Variants in SUSD4 observed in about 807,000 individuals in gnomAD.
The protein encoded by SUSD4 is sushi domain-containing protein 4.
In SUSD4, 41 loss-of-function variants were observed where a neutral mutation model predicts 50.5. The observed-to-expected ratio is 0.81, with a 90% confidence interval of 0.63 to 1.05. SUSD4 has a LOEUF of 1.05. Among genes scored for constraint, SUSD4 ranks in the 50% least tolerant of loss-of-function variants. SUSD4 has a pLI of 0.00. For synonymous variants in SUSD4, 257 were observed against 257.3 expected (o/e 1.00, Z 0.01); for missense variants, 580 against 634.7 (o/e 0.91, Z 0.93).
intron 5 of SUSD4, among the ~76,000 whole-genome samples, chr1:223,245,116 C>G (rs1238922979): frequency 6.6e-6 from 1 of 152,030 alleles, no homozygotes; most frequent in Non-Finnish European, 1.5e-5. Context: ...GTCACAACAT[C>G]CATGTGTTTT....
At chr1:223,267,796 T>A (rs1336950679) in intron 4 of SUSD4, among the ~76,000 whole-genome samples, 1 of 151,880 alleles carries the variant, frequency 6.6e-6, no homozygotes, top group African/African-American at 2.4e-5. Flanking sequence ...TCCTTCTCCC[T>A]CAAATTATGA....
intron 5 of SUSD4, among the ~76,000 whole-genome samples, chr1:223,260,796 G>A (rs140430470): frequency 6.6e-6 from 1 of 152,168 alleles, no homozygotes; most frequent in African/African-American, 2.4e-5. Context: ...CCACATCTTC[G>A]TAGTGGGCTT....
intron 2 of SUSD4, among the ~76,000 whole-genome samples, chr1:223,355,933 G>T (rs921094377): frequency 6.6e-6 from 1 of 152,104 alleles, no homozygotes; most frequent in African/African-American, 2.4e-5. Flanking sequence ...CACATATAGG[G>T]TTATGCTTCT....
At chr1:223,244,602 A>T (rs1471990960) in intron 5 of SUSD4, among the ~76,000 whole-genome samples, 1 of 151,960 alleles carries the variant, frequency 6.6e-6, no homozygotes, top group East Asian at 1.9e-4. Context: ...TGAGTCTCCA[A>T]CCCCACCCTG....
chr1:223,264,460 T>C, intron 5 of SUSD4, 170 bp downstream of exon 5: 2 of 1,346,132 alleles, frequency 1.5e-6, no homozygotes, highest in Non-Finnish European at 1.9e-6. Flanking sequence ...TACATCTAAT[T>C]GTAAATATGG....
intron 2 of SUSD4, among the ~76,000 whole-genome samples, chr1:223,300,749 C>T (rs919478244): frequency 2.0e-5 from 3 of 152,152 alleles, no homozygotes; most frequent in Admixed American, 6.5e-5. Context: ...TTTAAACAGA[C>T]GGATTTGCAA....
intron 5 of SUSD4, among the ~76,000 whole-genome samples, chr1:223,243,385 C>T (rs567299697): frequency 8.5e-5 from 13 of 152,322 alleles, no homozygotes; most frequent in South Asian, 4.1e-4. Context: ...AGCCTCCCTG[C>T]GCACTGGCAG....
chr1:223,357,616 A>G (rs968765352), intron 2 of SUSD4, among the ~76,000 whole-genome samples: 4 of 152,218 alleles, frequency 2.6e-5, no homozygotes, highest in Admixed American at 6.5e-5. Context: ...AAAGTGTGGA[A>G]AACTGAGTTG....
At chr1:223,282,447 A>G (rs1246601112) in intron 3 of SUSD4, among the ~76,000 whole-genome samples, 1 of 152,218 alleles carries the variant, frequency 6.6e-6, no homozygotes, top group East Asian at 1.9e-4. Flanking sequence ...CACCAATAAC[A>G]GACAAACAGA....
In SUSD4 at chr1:223,296,555, T is replaced by C. The variant is rs116546339; in HGVS notation, c.149-3904A>G. ...ACAGGTGGGCATGCCCTCCTGGAAC[T>C]AGCACAGTGTGAAGGGAGGAGCAGC... On this transcript the variant is annotated intron_variant, in intron 2 of 8. Transcript: ENST00000366878. Among the ~76,000 whole-genome samples, 502 of 152,228 alleles carry C rather than the reference T, an allele frequency of 3.3e-3. 4 individuals carry two copies. Among genetic ancestry groups the C allele is most frequent in the African/African-American group, 0.012 (481 of 41,530 alleles).
chr1:223,264,648 G>C lies in SUSD4; in HGVS notation c.706C>G (p.Arg236Gly), dbSNP rs777089831. 6.2e-6 allele frequency: 10 copies of C among 1,614,130 alleles called. No homozygotes were observed. The highest frequency in any genetic ancestry group is 6.8e-6 in the Non-Finnish European group (8 of 1,180,010). The change falls in exon 5 of 9, where the codon CGG (arginine) becomes GGG (glycine). Residue 236 changes from arginine (R) to glycine (G), a missense_variant. Physicochemically the swap from Arg to Gly is moderately radical, Grantham distance 125. Transcript: ENST00000366878. ...QNLIWSSSPPRCLALEVCPLP... is the reference protein window; with the variant it reads ...QNLIWSSSPPGCLALEVCPLP... ...GTGTTACCTTCCAGAGCAAGGCACC[G>C]GGGTGGGCTGGACGACCAGATAAGG...
intron 2 of SUSD4, among the ~76,000 whole-genome samples, chr1:223,299,834 C>T (rs1218363620): frequency 6.6e-6 from 1 of 152,132 alleles, no homozygotes; most frequent in Non-Finnish European, 1.5e-5. Flanking sequence ...CTTGAGCAGA[C>T]AGGAAATTAC....
chr1:223,283,766 A>G (rs886337509), intron 3 of SUSD4, among the ~76,000 whole-genome samples: 1 of 152,230 alleles, frequency 6.6e-6, no homozygotes, highest in African/African-American at 2.4e-5. Context: ...ATGCTGCTAT[A>G]AAGGCACATG....
rs535546516 is a variant in SUSD4, at chr1:223,288,208, G to A, written c.361+4231C>T. Among the ~76,000 whole-genome samples, 12 of 152,270 alleles carry A rather than the reference G, an allele frequency of 7.9e-5. No homozygotes were observed. The East Asian group carries it at 1.9e-3, about 24-fold the overall frequency. ...CAGCAGTTTCCCTCATGCTGTTCTC[G>A]TGATAGTGAGGGAGTTCTCATGAGA... On this transcript the variant is annotated intron_variant, in intron 3 of 8. Transcript: ENST00000366878.
intron 5 of SUSD4, chr1:223,234,902 T>C: frequency 6.5e-7 from 1 of 1,547,218 alleles, no homozygotes; most frequent in South Asian, 1.3e-5. Flanking sequence ...CAGTATAGGA[T>C]AAAAATGGAA....
At chr1:223,299,307 C>T (rs1300522306) in intron 2 of SUSD4, among the ~76,000 whole-genome samples, 1 of 152,180 alleles carries the variant, frequency 6.6e-6, no homozygotes, top group East Asian at 1.9e-4. Context: ...ATCCTAGGAA[C>T]CAGTGTTCTC....
chr1:223,233,088 C>A (rs894258382), intron 5 of SUSD4, among the ~76,000 whole-genome samples: 2 of 152,214 alleles, frequency 1.3e-5, no homozygotes, highest in African/African-American at 4.8e-5. Context: ...ACCAGGGAAG[C>A]CCCAAACATT....
At chr1:223,363,561 G>A (rs1427385878) in intron 1 of SUSD4, 101 bp from the exon 2 acceptor site, 4 of 1,306,444 alleles carry the variant, frequency 3.1e-6, no homozygotes, top group African/African-American at 1.5e-5. Context: ...GGCTTCCCAG[G>A]CTCCATCCTG....
At chr1:223,279,693 T>A (rs955452641) in intron 3 of SUSD4, among the ~76,000 whole-genome samples, 4 of 152,214 alleles carry the variant, frequency 2.6e-5, no homozygotes, top group African/African-American at 7.2e-5. Flanking sequence ...AACTTCCCCA[T>A]TCTAGCAAGG....
Sources: allele counts gnomAD v4.1 joint callset (sites outside exome capture counted in the v4.1 genomes callset), GRCh38; gene constraint gnomAD v4.1.1; transcripts MANE v1.5; gene names NCBI Gene and HGNC (gene_info 2026-07-23, HGNC 2026-07-21).